The following VPS13B variants were observed in gnomAD, a reference collection of about 807,000 sequenced individuals.
The protein encoded by VPS13B is intermembrane lipid transfer protein VPS13B.
In VPS13B, 285 loss-of-function variants were observed where a neutral mutation model predicts 426.4. The ratio of observed to expected loss-of-function variants is 0.67; its 90% CI spans 0.61 to 0.74. The LOEUF is 0.74. VPS13B is among the 30% of genes least tolerant of loss of function. The pLI, the probability that VPS13B is intolerant of heterozygous loss-of-function variation, is 0.00. For synonymous variants in VPS13B, 1,676 were observed against 1,676.4 expected, an observed-to-expected ratio of 1.00 and a Z score of 0.01; for missense variants, 4,537 against 4,782.6, an observed-to-expected ratio of 0.95 and a Z score of 1.51.
intron 54 of VPS13B, among the ~76,000 whole-genome samples, chr8:99,841,465 T>G (rs1416174121): frequency 6.6e-6 from 1 of 152,204 alleles, no homozygotes; most frequent in Non-Finnish European, 1.5e-5. Context: ...GTTTTCCCAG[T>G]ACAAAAACCA....
At chr8:99,103,480 C>T (rs1311912263) in intron 5 of VPS13B, among the ~76,000 whole-genome samples, 2 of 140,836 alleles carry the variant, frequency 1.4e-5, no homozygotes, top group African/African-American at 5.3e-5. Flanking sequence ...CAGGCACATG[C>T]TGCTATGCCC....
chr8:99,453,026 A>G (rs1352431417), intron 23 of VPS13B, among the ~76,000 whole-genome samples: 1 of 152,218 alleles, frequency 6.6e-6, no homozygotes, highest in Non-Finnish European at 1.5e-5. Context: ...TGTGACTTTT[A>G]TAAAATATTT....
chr8:99,790,740 C>T (rs1465520150), intron 43 of VPS13B, among the ~76,000 whole-genome samples: 3 of 152,108 alleles, frequency 2.0e-5, no homozygotes, highest in East Asian at 1.9e-4. Context: ...TTGTATTACA[C>T]GTTAATGCCT....
rs1160725271 is a variant in VPS13B at position 99,577,604 on chromosome 8, G to A, written c.5191G>A (p.Gly1731Arg). 1 of 1,613,686 alleles carries A rather than the reference G, an allele frequency of 6.2e-7. No homozygotes were observed. The highest frequency in any genetic ancestry group is 1.7e-5 in the Admixed American group (1 of 59,986). The change falls in exon 33 of 62, where the codon GGA (glycine) becomes AGA (arginine). Residue 1731 changes from glycine (G) to arginine (R), a missense_variant. Gly to Arg is a moderately radical substitution (Grantham distance 125). Around this residue, in one of 2 missense-constraint regions of VPS13B, gnomAD observed 4,311 missense variants for 4,474.3 expected, o/e 0.96. Transcript: ENST00000357162. ...LHQLIVANMTGLEPSNKAAEI... is the reference protein window; with the variant it reads ...LHQLIVANMTRLEPSNKAAEI... ...TCAGTTAATAGTAGCAAATATGACT[G>A]GACTGGAACCATCAAACAAGGCTGC...
chr8:99,130,206 G>A (rs1277236465), intron 8 of VPS13B, among the ~76,000 whole-genome samples: 1 of 152,082 alleles, frequency 6.6e-6, no homozygotes, highest in African/African-American at 2.4e-5. Flanking sequence ...AGAATTCATT[G>A]CTCAGCTTAG....
intron 33 of VPS13B, among the ~76,000 whole-genome samples, chr8:99,634,400 G>A (rs1828989424): frequency 6.6e-6 from 1 of 151,944 alleles, no homozygotes; most frequent in South Asian, 2.1e-4. Flanking sequence ...TTTTATTGCA[G>A]TTAGCACTTA....
chr8:99,415,673 C>T (rs941043302), intron 21 of VPS13B, among the ~76,000 whole-genome samples: 2 of 152,310 alleles, frequency 1.3e-5, no homozygotes, highest in Middle Eastern at 3.4e-3. Flanking sequence ...TCAGGCTGCT[C>T]TGCTGCAGGT....
intron 21 of VPS13B, among the ~76,000 whole-genome samples, chr8:99,427,326 A>G (rs1282110886): frequency 1.6e-5 from 2 of 122,194 alleles, no homozygotes; most frequent in Non-Finnish European, 3.4e-5. Context: ...GCCTTGTAGT[A>G]TAGTTTGAAG....
At chr8:99,140,706 T>TC (rs1810371441) in intron 12 of VPS13B, among the ~76,000 whole-genome samples, 1 of 128,706 alleles carries the variant, frequency 7.8e-6, no homozygotes, top group Non-Finnish European at 1.6e-5. Flanking sequence ...TCCTCCTCCT[T>TC]CTCCTTCTTT....
intron 41 of VPS13B, 29 bp from the exon 42 acceptor site, chr8:99,778,653 G>A (rs1278943091): frequency 1.3e-6 from 2 of 1,589,300 alleles, no homozygotes; most frequent in Non-Finnish European, 1.7e-6. Context: ...CATCTTAATT[G>A]CTGTTTTCCT....
intron 33 of VPS13B, among the ~76,000 whole-genome samples, chr8:99,600,260 T>A (rs1302614883): frequency 1.3e-5 from 2 of 152,088 alleles, no homozygotes; most frequent in Non-Finnish European, 2.9e-5. Context: ...ATTGGATAGA[T>A]ATGGAAACAA....
rs570481675 is a variant in VPS13B, at chr8:99,455,184, A to G, written c.3446-12230A>G. 2.6e-5 allele frequency among the ~76,000 whole-genome samples: 4 copies of G among 152,284 alleles called. No individual in the cohort carries two copies. In the South Asian group the frequency reaches 8.3e-4, roughly 32 times the overall value. ...AGGTGTAAAAAGTCATCAAAAAGTC[A>G]GGGTTATCTAGATTTCCTCCTGTTA... On this transcript the variant is annotated intron_variant, in intron 23 of 61. Coordinates refer to ENST00000357162, the MANE Select transcript of VPS13B (RefSeq NM_152564.5).
At chr8:99,339,989 A>G (rs1370506246) in intron 19 of VPS13B, among the ~76,000 whole-genome samples, 1 of 152,248 alleles carries the variant, frequency 6.6e-6, no homozygotes, top group Admixed American at 6.5e-5. Flanking sequence ...ATCTAGTGAA[A>G]TGGCCTAACC....
At chr8:99,206,777 C>G (rs892244163) in intron 17 of VPS13B, among the ~76,000 whole-genome samples, 20 of 152,076 alleles carry the variant, frequency 1.3e-4, no homozygotes, top group African/African-American at 4.3e-4. Flanking sequence ...GTTCTTTAAT[C>G]ACTTAGGAAA....
At chr8:99,258,665 G>T (rs1817884314) in intron 17 of VPS13B, among the ~76,000 whole-genome samples, 1 of 151,714 alleles carries the variant, frequency 6.6e-6, no homozygotes, top group Non-Finnish European at 1.5e-5. Context: ...AGTTTTCTTT[G>T]CCTCTAAAAA....
intron 20 of VPS13B, among the ~76,000 whole-genome samples, chr8:99,387,745 C>A (rs1281757882): frequency 6.6e-6 from 1 of 151,712 alleles, no homozygotes; most frequent in Non-Finnish European, 1.5e-5. Context: ...CTTTTAAAAT[C>A]TGTTAGGTGA....
intron 24 of VPS13B, among the ~76,000 whole-genome samples, chr8:99,472,016 A>G (rs1459162576): frequency 6.6e-6 from 1 of 152,190 alleles, no homozygotes; most frequent in Non-Finnish European, 1.5e-5. Flanking sequence ...CACCATACAA[A>G]CAGTCAGCAT....
At chr8:99,364,591 C>CTAT (rs1415801876) in intron 19 of VPS13B, among the ~76,000 whole-genome samples, 25 of 152,198 alleles carry the variant, frequency 1.6e-4, no homozygotes, top group African/African-American at 5.1e-4. Context: ...TGCTACCATG[C>CTAT]ACAACTAATT....
chr8:99,682,674 G>C (rs746071414), intron 35 of VPS13B, among the ~76,000 whole-genome samples: 25 of 152,278 alleles, frequency 1.6e-4, no homozygotes, highest in Non-Finnish European at 2.9e-4. Flanking sequence ...CATTGTGGTG[G>C]CCACTGTGCT....
Sources: allele counts gnomAD v4.1 joint callset (sites outside exome capture counted in the v4.1 genomes callset), GRCh38; gene constraint gnomAD v4.1.1; regional missense constraint gnomAD v4.1.1; transcripts MANE v1.5; gene names NCBI Gene and HGNC (gene_info 2026-07-23, HGNC 2026-07-21).